The following DDX19B variants were observed in gnomAD, a reference collection of about 807,000 sequenced individuals.
DDX19B encodes ATP-dependent RNA helicase DDX19B.
A neutral mutation model predicts 58.1 loss-of-function variants in DDX19B; 27 were observed. The ratio of observed to expected loss-of-function variants is 0.46; its 90% CI spans 0.34 to 0.64. The LOEUF (loss-of-function observed/expected upper bound fraction) is 0.64. DDX19B is among the 30% of genes least tolerant of loss of function. The pLI, the probability that DDX19B is intolerant of heterozygous loss-of-function variation, is 0.01. For synonymous variants in DDX19B, 187 were observed against 214.4 expected, an observed-to-expected ratio of 0.87 and a Z score of 1.12; for missense variants, 399 against 596.5, an observed-to-expected ratio of 0.67 and a Z score of 3.45.
At position 70,332,959 on chromosome 16, in the gene DDX19B, T is replaced by C; in HGVS notation, c.1187-9T>C. ...TAGTCCTCTCAGCCTCCAACTCTCC[T>C]TCCTGCAGGCATTGATGTTGAACAA... On this transcript the variant is annotated splice_polypyrimidine_tract_variant and intron_variant, in intron 10 of 11. Coordinates refer to ENST00000288071, the MANE Select transcript of DDX19B (RefSeq NM_007242.7). The C allele has an allele frequency of 6.2e-7, 1 of 1,613,958 alleles. No homozygotes were observed. The highest frequency in any genetic ancestry group is 8.5e-7 in the Non-Finnish European group (1 of 1,179,966).
upstream of DDX19B, among the ~76,000 whole-genome samples, chr16:70,294,326 C>T: frequency 6.6e-6 from 1 of 151,994 alleles, no homozygotes; most frequent in East Asian, 1.9e-4. Context: ...CGTGATCCAC[C>T]CGCCTCGGCC....
intron 4 of DDX19B, among the ~76,000 whole-genome samples, chr16:70,316,328 G>C (rs547631127): frequency 1.3e-5 from 2 of 151,934 alleles, no homozygotes; most frequent in African/African-American, 4.8e-5. Context: ...TCCTGCCTCA[G>C]CCTCCCAAGT....
At chr16:70,330,560 C>G (rs1442890892) in intron 9 of DDX19B, among the ~76,000 whole-genome samples, 1 of 151,996 alleles carries the variant, frequency 6.6e-6, no homozygotes, top group African/African-American at 2.4e-5. Context: ...TGCACTCCAG[C>G]CTGGGTAACA....
intron 5 of DDX19B, among the ~76,000 whole-genome samples, chr16:70,321,856 A>G (rs932623393): frequency 4.6e-5 from 7 of 151,678 alleles, no homozygotes; most frequent in Admixed American, 4.6e-4. Flanking sequence ...CAACATGGTG[A>G]AACCCCATCT....
chr16:70,332,032 T>G (rs1597505909), intron 10 of DDX19B, 148 bp downstream of exon 10: 1 of 1,286,820 alleles, frequency 7.8e-7, no homozygotes, highest in Non-Finnish European at 1.0e-6. Flanking sequence ...AGAGACTGTT[T>G]GGATTTCCCT....
chr16:70,289,905 T>A (rs567584352), upstream of DDX19B: 1 of 374,028 alleles, frequency 2.7e-6, no homozygotes, highest in African/African-American at 2.1e-5. Flanking sequence ...TTTTAGTTGC[T>A]GAGTGATACA....
chr16:70,331,905 AC>A, intron 10 of DDX19B, 21 bp downstream of exon 10: 1 of 1,608,984 alleles, frequency 6.2e-7, no homozygotes, highest in Non-Finnish European at 8.5e-7. Flanking sequence ...GACGTGTCCC[AC>A]CTGGTCTGCC....
chr16:70,294,814 T>C, upstream of DDX19B: 1 of 1,455,926 alleles, frequency 6.9e-7, no homozygotes, highest in Non-Finnish European at 9.0e-7. Flanking sequence ...AGAGCAGCGG[T>C]TGTTGGAGTG....
intron 7 of DDX19B, among the ~76,000 whole-genome samples, chr16:70,328,046 C>T (rs921156868): frequency 1.3e-5 from 2 of 151,634 alleles, no homozygotes; most frequent in Non-Finnish European, 2.9e-5. Context: ...CCCAGCTACT[C>T]AGGAGGCTGA....
In DDX19B at chr16:70,316,066, C is replaced by T. The variant is rs1962383755; in HGVS notation, c.258C>T (p.Ser86=). ...AAGTCCTGCAGCGGGATCCAAACTCCCCTCTGTACTCGGTGAAGTCTTTTG... is the reference window on the plus strand; with the variant it reads ...AAGTCCTGCAGCGGGATCCAAACTCTCCTCTGTACTCGGTGAAGTCTTTTG... The part of the protein sequence containing the change: ...QVEVLQRDPN[S]PLYSVKSFEE... The change falls in exon 4 of 12, where the codon TCC becomes TCT. Residue 86 remains serine (S), a synonymous_variant. Coordinates refer to ENST00000288071, the MANE Select transcript of DDX19B (RefSeq NM_007242.7). The T allele has an allele frequency of 1.2e-6, 2 of 1,613,978 alleles. No homozygotes were observed. Among genetic ancestry groups the T allele is most frequent in the African/African-American group, 2.7e-5 (2 of 74,896 alleles).
Position 70,331,858 on chromosome 16 carries a change from TGGTGACCACCAAC to T in DDX19B, c.1162_1174del (p.Val388CysfsTer49). On this transcript the variant is annotated frameshift_variant, in exon 10 of 12. Transcript: ENST00000288071. LOFTEE classifies it high-confidence loss of function. ...TTCCGAGAGGGCAAAGAGAAGGTTT[TGGTGACCACCAAC>T]GTGTGTGCCCGCGGTGAGCAGAGGA... is the stretch of plus-strand genomic sequence containing the variant. 1 of 1,614,130 alleles carries T rather than the reference TGGTGACCACCAAC, an allele frequency of 6.2e-7. No individual in the cohort carries two copies.
intron 5 of DDX19B, among the ~76,000 whole-genome samples, chr16:70,322,588 CAAAAAAAAA>C (rs568610716): frequency 2.1e-5 from 1 of 47,510 alleles, no homozygotes; most frequent in South Asian, 8.0e-4. Flanking sequence ...GACCTTGTCT[CAAAAAAAAA>C]AAAAAAAAAA....
chr16:70,298,559 G>A (rs1961318175), upstream of DDX19B, among the ~76,000 whole-genome samples: 1 of 151,830 alleles, frequency 6.6e-6, no homozygotes, highest in African/African-American at 2.4e-5. Context: ...CCCTGTCATG[G>A]CTCACTGCAG....
At chr16:70,318,381 CA>C (rs1187438111) in intron 5 of DDX19B, among the ~76,000 whole-genome samples, 248 of 118,150 alleles carry the variant, frequency 2.1e-3, no homozygotes, top group Middle Eastern at 9.7e-3. Flanking sequence ...CTCAAAAATG[CA>C]AAAAAAAAAA....
At chr16:70,314,221 A>G (rs1422674354) in intron 2 of DDX19B, among the ~76,000 whole-genome samples, 1 of 152,132 alleles carries the variant, frequency 6.6e-6, no homozygotes, top group Non-Finnish European at 1.5e-5. Flanking sequence ...ATAAAATACG[A>G]TTTGCATAGA....
chr16:70,330,202 C>T lies in DDX19B; in HGVS notation c.1023+134C>T, dbSNP rs183629578. The stretch of plus-strand genomic sequence containing the variant: ...TTGTTCTCCTAAGGTTTTAGTGAGT[C>T]GTAAGAGGGAGACTTTGATTCCACT... On this transcript the variant is annotated intron_variant, in intron 9 of 11. Transcript: ENST00000288071. 1.9e-4 allele frequency: 184 copies of T among 976,124 alleles called. 2 individuals are homozygous for T. The highest frequency in any genetic ancestry group is 1.6e-3 in the South Asian group (100 of 63,182). The allele number at this position is 976,124 out of a possible 1,614,324, so 60.5% of individuals were successfully genotyped here. A position where few individuals can be genotyped will look rare whatever the true frequency, so the allele number is the denominator to read the frequency against.
rs777034019 is a variant in DDX19B, at chr16:70,335,132, C to A, written c.*1550C>A. On this transcript the variant is annotated 3_prime_UTR_variant, in exon 12 of 12. Coordinates refer to ENST00000288071, the MANE Select transcript of DDX19B (RefSeq NM_007242.7). ...TTCTACCACATTCCCCTGGTGGGTA[C>A]TCGACTATGTAGTTTTCTCTATGCT... 7 of 152,204 alleles carry A rather than the reference C, an allele frequency of 4.6e-5. No individual in the cohort carries two copies. Among genetic ancestry groups the A allele is most frequent in the African/African-American group, 9.7e-5 (4 of 41,436 alleles). The allele number at this position is 152,204 out of a possible 1,614,324, so 9.4% of individuals were successfully genotyped here.
intron 7 of DDX19B, 109 bp from the exon 8 acceptor site, chr16:70,329,183 A>C: frequency 7.0e-7 from 1 of 1,435,074 alleles, no homozygotes; most frequent in Non-Finnish European, 9.4e-7. Context: ...AGATCATGCC[A>C]TTGCACTCCA....
intron 6 of DDX19B, 28 bp downstream of exon 6, chr16:70,324,715 A>C (rs1488897745): frequency 6.3e-7 from 1 of 1,587,036 alleles, no homozygotes; most frequent in Non-Finnish European, 8.6e-7. Flanking sequence ...TAGGTTTTCT[A>C]CTAATGCATA....
Sources: allele counts gnomAD v4.1 joint callset (sites outside exome capture counted in the v4.1 genomes callset), GRCh38; gene constraint gnomAD v4.1.1; transcripts MANE v1.5; gene names NCBI Gene and HGNC (gene_info 2026-07-23, HGNC 2026-07-21).